The following AGFG2 variants were observed in gnomAD, a reference collection of about 807,000 sequenced individuals.
AGFG2 encodes ArfGAP with FG repeats 2, also known as arf-GAP domain and FG repeat-containing protein 2.
In AGFG2, 31 loss-of-function variants were observed where a neutral mutation model predicts 48.0. The ratio of observed to expected loss-of-function variants is 0.65; its 90% confidence interval spans 0.49 to 0.87. AGFG2 has a LOEUF of 0.87. AGFG2 is among the 40% of genes least tolerant of loss of function. AGFG2 has a pLI of 0.00. For synonymous variants in AGFG2, 229 were observed against 260.8 expected (o/e 0.88, Z 1.18); for missense variants, 599 against 632.6 (o/e 0.95, Z 0.57).
chr7:100,562,111 T>C lies in AGFG2; in HGVS notation c.878-148T>C. The C allele has an allele frequency of 1.8e-6, 2 of 1,116,806 alleles. No homozygotes were observed. Among genetic ancestry groups the C allele is most frequent in the Non-Finnish European group, 2.6e-6 (2 of 779,724 alleles). The allele number at this position is 1,116,806 out of a possible 1,614,324, so 69.2% of individuals were successfully genotyped here. On this transcript the variant is annotated intron_variant, in intron 6 of 11. Coordinates refer to ENST00000300176, the MANE Select transcript of AGFG2 (RefSeq NM_006076.5). This position sits in a 1 kb window ranked among gnomAD's most constrained non-coding sequence, Gnocchi z 5.4. ...AAGACCTCCTGAACTGGGTGGTCCC[T>C]GAGAAAATGGGCTGCCTCAGAGAAC...
rs1168880844 is a variant in AGFG2, at chr7:100,539,379, G to A, written c.33G>A (p.Pro11=). 7.0e-6 allele frequency: 9 copies of A among 1,287,858 alleles called. No homozygotes were observed. The Admixed American group carries it at 1.2e-4, about 18-fold the overall frequency. The allele number at this position is 1,287,858 out of a possible 1,614,324, so 79.8% of individuals were successfully genotyped here. The change falls in exon 1 of 12, where the codon CCG becomes CCA. Residue 11 remains proline, a synonymous_variant. Transcript: ENST00000300176. MVMAAKKGPG[P]GGGVSGGKAE... ...TGGCGGCGAAGAAGGGCCCGGGCCC[G>A]GGCGGCGGGGTCAGCGGGGGCAAGG...
chr7:100,541,266 G>C (rs1800416783), intron 1 of AGFG2, among the ~76,000 whole-genome samples: 1 of 152,170 alleles, frequency 6.6e-6, no homozygotes, highest in Non-Finnish European at 1.5e-5. Context: ...AACCTCCTTT[G>C]CTAAACTTCT....
At position 100,539,265 on chromosome 7, in the gene AGFG2, C is replaced by A. The variant is rs570994550; in HGVS notation, c.-82C>A. The A allele has an allele frequency of 1.6e-6, 2 of 1,236,848 alleles. No individual in the cohort carries two copies. The highest frequency in any genetic ancestry group is 1.6e-5 in the African/African-American group (1 of 64,082). The allele number at this position is 1,236,848 out of a possible 1,614,324, so 76.6% of individuals were successfully genotyped here. ...CCGAGCTTCTGTCAGGGGAGCCGGGCGTGCGGAGGCGGCTGAGGAGGCGGG... is the reference window on the plus strand; with the variant it reads ...CCGAGCTTCTGTCAGGGGAGCCGGGAGTGCGGAGGCGGCTGAGGAGGCGGG... On this transcript the variant is annotated 5_prime_UTR_variant, in exon 1 of 12. Transcript: ENST00000300176.
intron 10 of AGFG2, 31 bp downstream of exon 10, chr7:100,563,993 C>G (rs760148989): frequency 3.1e-6 from 5 of 1,601,216 alleles, no homozygotes; most frequent in Non-Finnish European, 4.2e-6. Context: ...AACCCTTTCA[C>G]CCCATCCCAT....
chr7:100,560,156 G>A (rs1800835050), intron 6 of AGFG2, among the ~76,000 whole-genome samples: 1 of 151,592 alleles, frequency 6.6e-6, no homozygotes. Flanking sequence ...GGGAGAGTCA[G>A]TAGAGGATCC....
At chr7:100,548,124 G>A (rs1800549815) in intron 1 of AGFG2, among the ~76,000 whole-genome samples, 1 of 152,126 alleles carries the variant, frequency 6.6e-6, no homozygotes, top group East Asian at 1.9e-4. Context: ...AAGTGGTCAC[G>A]TGTCTGAGTT....
chr7:100,549,805 A>C (rs1800589249), intron 2 of AGFG2, among the ~76,000 whole-genome samples: 1 of 151,840 alleles, frequency 6.6e-6, no homozygotes, highest in African/African-American at 2.4e-5. Flanking sequence ...CGATCCTCCC[A>C]CCTCAGCCTC....
rs751231873 is a variant in AGFG2 at position 100,554,192 on chromosome 7, A to G, written c.685A>G (p.Ile229Val). The G allele has an allele frequency of 2.5e-6, 4 of 1,614,232 alleles. No individual in the cohort carries two copies. Among genetic ancestry groups the G allele is most frequent in the Non-Finnish European group, 2.5e-6 (3 of 1,180,036 alleles). The change falls in exon 5 of 12, where the codon ATC becomes GTC. Residue 229 changes from isoleucine to valine, a missense_variant. By Grantham distance (29) the Ile-to-Val change is conservative. Transcript: ENST00000300176. ...AGCCAGTACTGACCTGCTGGCTGACATCGGTGGAGACCCCTTTGCTGCACC... is the reference window on the plus strand; with the variant it reads ...AGCCAGTACTGACCTGCTGGCTGACGTCGGTGGAGACCCCTTTGCTGCACC... The part of the protein sequence containing the change: ...KKASTDLLAD[I>V]GGDPFAAPQM...
chr7:100,551,066 A>ATTTTTTTT (rs1800631293), intron 3 of AGFG2, among the ~76,000 whole-genome samples: 2 of 69,718 alleles, frequency 2.9e-5, no homozygotes, highest in African/African-American at 1.3e-4. Flanking sequence ...ATATATATAT[A>ATTTTTTTT]TTTCTTTTTT....
Position 100,564,307 on chromosome 7 carries a change from A to C in AGFG2, c.1386+4A>C, listed in dbSNP as rs374706441. 1.8e-5 allele frequency: 29 copies of C among 1,612,442 alleles called. No homozygotes were observed. Among genetic ancestry groups the C allele is most frequent in the Non-Finnish European group, 2.3e-5 (27 of 1,179,350 alleles). On this transcript the variant is annotated splice_donor_region_variant and intron_variant, in intron 11 of 11. Transcript: ENST00000300176. The stretch of plus-strand genomic sequence containing the variant: ...GATCTCCACCAACCCCTTCATGGTG[A>C]GTGTGCCAGCAGGGGTGCTGTGGTA...
intron 1 of AGFG2, among the ~76,000 whole-genome samples, chr7:100,544,453 T>C (rs1034867256): frequency 2.0e-5 from 3 of 152,152 alleles, no homozygotes; most frequent in Non-Finnish European, 4.4e-5. Flanking sequence ...AGCATTTTAA[T>C]CTCCATGGGA....
chr7:100,550,654 A>C, intron 3 of AGFG2, 143 bp downstream of exon 3: 1 of 624,890 alleles, frequency 1.6e-6, no homozygotes, highest in Non-Finnish European at 2.8e-6. Context: ...AGTTACGGCT[A>C]AAATAAATCT....
intron 3 of AGFG2, among the ~76,000 whole-genome samples, chr7:100,551,500 C>G (rs994623907): frequency 6.6e-6 from 1 of 151,708 alleles, no homozygotes; most frequent in African/African-American, 2.4e-5. Flanking sequence ...CCACCGTGCC[C>G]GGCCTTGTTT....
rs374616317 is a variant in AGFG2 at position 100,564,214 on chromosome 7, C to G, written c.1301-4C>G. The G allele has an allele frequency of 3.8e-5, 61 of 1,609,482 alleles. No individual in the cohort carries two copies. In the African/African-American group the frequency reaches 7.7e-4, roughly 20 times the overall value. On this transcript the variant is annotated splice_region_variant and splice_polypyrimidine_tract_variant and intron_variant, in intron 10 of 11. Coordinates refer to ENST00000300176, the MANE Select transcript of AGFG2 (RefSeq NM_006076.5). ...TCAGCTGAGTGACTGCTCTCGCCCC[C>G]TAGGCTCTTCCTTCGGGGACTTAGG...
Position 100,547,962 on chromosome 7 carries a change from G to A in AGFG2, c.222-860G>A, listed in dbSNP as rs566338710. ...CCAGCTGGGCTAGAGACTGTTTTTT[G>A]TCACCATATCCTGTTTTTGTTAGTG... On this transcript the variant is annotated intron_variant, in intron 1 of 11. Transcript: ENST00000300176. 5.9e-5 allele frequency among the ~76,000 whole-genome samples: 9 copies of A among 152,246 alleles called. No individual in the cohort carries two copies. The South Asian group carries it at 1.9e-3, about 32-fold the overall frequency.
chr7:100,560,190 T>A (rs1438082588), intron 6 of AGFG2, among the ~76,000 whole-genome samples: 3 of 152,030 alleles, frequency 2.0e-5, no homozygotes, highest in African/African-American at 7.2e-5. Context: ...TGGCTTTTTT[T>A]TTTTTTTGGA....
rs2131131676 is a variant in AGFG2, at chr7:100,567,483, T to A, written c.*2492T>A. 6.5e-6 allele frequency: 1 copy of A among 152,858 alleles called. No individual in the cohort carries two copies. Among genetic ancestry groups the A allele is most frequent in the South Asian group, 2.1e-4 (1 of 4,824 alleles). The allele number at this position is 152,858 out of a possible 1,614,324, so 9.5% of individuals were successfully genotyped here. A position where few individuals can be genotyped will look rare whatever the true frequency, so the allele number is the denominator to read the frequency against. ...CCCAGCATTCAGCCAGTCGGTCACC[T>A]GTGGGCCATCCCCATGTGTGAGGAA... On this transcript the variant is annotated 3_prime_UTR_variant, in exon 12 of 12. Transcript: ENST00000300176.
At chr7:100,539,649 A>C (rs1440934470) in intron 1 of AGFG2, 82 bp downstream of exon 1, 35 of 820,628 alleles carry the variant, frequency 4.3e-5, no homozygotes, top group Admixed American at 7.4e-5. Flanking sequence ...CCGGGGCGCG[A>C]GGGAAGGGGG....
At chr7:100,553,549 G>T in intron 4 of AGFG2, 49 bp downstream of exon 4, 1 of 1,560,208 alleles carries the variant, frequency 6.4e-7, no homozygotes. Context: ...TTGGGAGACA[G>T]GAGTGTCAGT....
Sources: allele counts gnomAD v4.1 joint callset (sites outside exome capture counted in the v4.1 genomes callset), GRCh38; gene constraint gnomAD v4.1.1; non-coding constraint Gnocchi (gnomAD v3.1); transcripts MANE v1.5; gene names NCBI Gene and HGNC (gene_info 2026-07-23, HGNC 2026-07-21).